Variants in YTHDF1 observed in about 807,000 individuals in gnomAD.
YTHDF1 encodes the protein YTH N6-methyladenosine RNA binding protein F1.
YTHDF1 carries 16 observed loss-of-function variants against 49.1 expected under a neutral mutation model. That is an observed-to-expected ratio of 0.33 (90% CI 0.22 to 0.49). The LOEUF (loss-of-function observed/expected upper bound fraction) is 0.49, where lower values mean the gene tolerates loss of function less well. YTHDF1 is among the 20% of genes least tolerant of loss of function. The pLI is 0.99. For synonymous variants in YTHDF1, 313 were observed against 290.1 expected (o/e 1.08, Z -0.80); for missense variants, 621 against 744.3 (o/e 0.83, Z 1.93).
chr20:63,199,724 C>T, intron 4 of YTHDF1, among the ~76,000 whole-genome samples: 1 of 152,072 alleles, frequency 6.6e-6, no homozygotes, highest in East Asian at 1.9e-4. Context: ...GGGACCTCCT[C>T]AAGGACCACT....
rs756068070 is a variant in YTHDF1 at position 63,203,210 on chromosome 20, G to A, written c.730C>T (p.Pro244Ser). ...CTCTTTGTTTTCATTTTAGGCTGTGGTTTTGCAGGCTTGCTGGCAATGGCA... is the reference window on the plus strand; with the variant it reads ...CTCTTTGTTTTCATTTTAGGCTGTGATTTTGCAGGCTTGCTGGCAATGGCA... ...WAAIASKPAK[P>S]QPKMKTKSGP... The change falls in exon 4 of 5, where the codon CCA (proline) becomes TCA (serine). Residue 244 changes from proline (P) to serine (S), a missense_variant. Around this residue, in one of 2 missense-constraint regions of YTHDF1, gnomAD observed 470 missense variants for 495.8 expected, o/e 0.95. Transcript: ENST00000370339. This position sits in a 1 kb window ranked among gnomAD's most constrained non-coding sequence, Gnocchi z 4.4. The A allele has an allele frequency of 6.2e-7, 1 of 1,613,926 alleles. No homozygotes were observed. Among genetic ancestry groups the A allele is most frequent in the Admixed American group, 1.7e-5 (1 of 60,008 alleles).
chr20:63,200,344 G>A (rs1381060261), intron 4 of YTHDF1, among the ~76,000 whole-genome samples: 1 of 151,778 alleles, frequency 6.6e-6, no homozygotes, highest in Non-Finnish European at 1.5e-5. Context: ...CTGGCTGACG[G>A]TGAGATTGGC....
intron 3 of YTHDF1, among the ~76,000 whole-genome samples, chr20:63,208,427 T>TA (rs1216635182): frequency 3.3e-5 from 5 of 152,240 alleles, no homozygotes; most frequent in African/African-American, 1.2e-4. Flanking sequence ...GAGAAAATGT[T>TA]AGAGGAAAAT....
chr20:63,215,639 C>T, intron 1 of YTHDF1, 38 bp from the exon 2 acceptor site: 1 of 1,588,382 alleles, frequency 6.3e-7, no homozygotes, highest in Non-Finnish European at 8.6e-7. Flanking sequence ...GTACACACAA[C>T]CCGGGGGAAG....
chr20:63,203,911 C>T lies in YTHDF1; in HGVS notation c.133-104G>A. The T allele has an allele frequency of 9.3e-7, 1 of 1,073,266 alleles. No homozygotes were observed. The highest frequency in any genetic ancestry group is 1.3e-6 in the Non-Finnish European group (1 of 757,102). 66.5% of individuals were successfully genotyped at this position (1,073,266 alleles called of 1,614,324 possible). On this transcript the variant is annotated intron_variant, in intron 3 of 4. Transcript: ENST00000370339. The surrounding 1 kb of genome is among the most constrained non-coding windows in gnomAD (Gnocchi z 4.4). ...ACAGGTGGAGCAAAAACAAAACCTG[C>T]ACAGCATGGGGCTACTCCTTCCAGA...
Position 63,215,998 on chromosome 20 carries a change from A to C in YTHDF1, c.-106T>G, listed in dbSNP as rs2066600734. The C allele has an allele frequency of 8.6e-6, 9 of 1,047,102 alleles. No homozygotes were observed. The highest frequency in any genetic ancestry group is 9.3e-6 in the Non-Finnish European group (8 of 857,424). The allele number at this position is 1,047,102 out of a possible 1,614,324, so 64.9% of individuals were successfully genotyped here. A position where few individuals can be genotyped will look rare whatever the true frequency, so the allele number is the denominator to read the frequency against. ...CGCGCGGCCCCGGGCCCCGCCGCCA[A>C]TTCCCCGGGCGCCGGCCGGGCGGCG... On this transcript the variant is annotated 5_prime_UTR_variant, in exon 1 of 5. Transcript: ENST00000370339.
rs769392481 is a variant in YTHDF1, at chr20:63,202,725, G to A, written c.1215C>T (p.Ser405=). ...KSYSEDDIHR[S]IKYSIWCSTE... ...TGCTACACCAGATGGAGTACTTAAT[G>A]GAGCGGTGGATGTCGTCCTCAGAGT... Residue 405 remains serine (S), a synonymous_variant, in exon 4 of 5, where the codon TCC becomes TCT. Coordinates refer to ENST00000370339, the MANE Select transcript of YTHDF1 (RefSeq NM_017798.4). 6 of 1,614,090 alleles carry A rather than the reference G, an allele frequency of 3.7e-6. No homozygotes were observed. Among genetic ancestry groups the A allele is most frequent in the Non-Finnish European group, 5.1e-6 (6 of 1,180,060 alleles).
chr20:63,213,931 G>A lies in YTHDF1; in HGVS notation c.65C>T (p.Ser22Leu), dbSNP rs749542694. ...KGQDNKVQNG[S>L]LHQKDTVHDN... is the part of the protein sequence containing the mutation. ...ATGAACTGTATCCTTCTGATGTAAC[G>A]AACCATTTTGTACTAGAACAAAAAG... is the stretch of plus-strand genomic sequence containing the variant. The change falls in exon 3 of 5, where the codon TCG becomes TTG. Residue 22 changes from serine (S) to leucine (L), a missense_variant. Ser to Leu is a moderately radical substitution (Grantham distance 145). This residue lies in a region of YTHDF1 where 470 missense variants were observed against 495.8 expected (regional missense o/e 0.95). Transcript: ENST00000370339. 23 of 1,560,648 alleles carry A rather than the reference G, an allele frequency of 1.5e-5. No homozygotes were observed. Among genetic ancestry groups the A allele is most frequent in the Non-Finnish European group, 1.8e-5 (21 of 1,163,716 alleles).
intron 3 of YTHDF1, among the ~76,000 whole-genome samples, chr20:63,209,575 G>T (rs2066564219): frequency 1.3e-5 from 2 of 152,144 alleles, no homozygotes; most frequent in African/African-American, 4.8e-5. Context: ...TTCGAGAACA[G>T]CCCAGGCAAC....
intron 3 of YTHDF1, among the ~76,000 whole-genome samples, chr20:63,211,358 G>C (rs913081908): frequency 1.3e-5 from 2 of 152,020 alleles, no homozygotes; most frequent in Non-Finnish European, 2.9e-5. Flanking sequence ...CTAGCTACTT[G>C]GGAGGTTGAG....
At chr20:63,215,694 C>CCG in intron 1 of YTHDF1, 93 bp from the exon 2 acceptor site, 1 of 1,449,706 alleles carries the variant, frequency 6.9e-7, no homozygotes, top group South Asian at 1.5e-5. Context: ...CTCCAACGGG[C>CCG]CGCGAGCTCC....
chr20:63,206,511 G>A (rs561684469), intron 3 of YTHDF1, among the ~76,000 whole-genome samples: 1 of 152,278 alleles, frequency 6.6e-6, no homozygotes, highest in African/African-American at 2.4e-5. Context: ...CAAGGTGCAG[G>A]GCCTGCAGTT....
At chr20:63,208,572 T>C (rs575627450) in intron 3 of YTHDF1, among the ~76,000 whole-genome samples, 9 of 152,350 alleles carry the variant, frequency 5.9e-5, no homozygotes, top group Non-Finnish European at 5.9e-5. Flanking sequence ...TCTGACAGAA[T>C]TTCTGCATTT....
At position 63,203,271 on chromosome 20, in the gene YTHDF1, A is replaced by C; in HGVS notation, c.669T>G (p.Asn223Lys). 1.2e-6 allele frequency: 2 copies of C among 1,613,848 alleles called. No individual in the cohort carries two copies. The highest frequency in any genetic ancestry group is 2.2e-5 in the South Asian group (2 of 91,082). Reference protein sequence around the residue: ...TGVLSGNGGTNVNMPVSKPTS... With the variant: ...TGVLSGNGGTKVNMPVSKPTS... ...TCGGCTTTGAAACTGGCATGTTCAC[A>C]TTTGTCCCACCGTTGCCAGAAAGGA... The change falls in exon 4 of 5, where the codon AAT (asparagine) becomes AAG (lysine). Residue 223 changes from asparagine (N) to lysine (K), a missense_variant. Coordinates refer to ENST00000370339, the MANE Select transcript of YTHDF1 (RefSeq NM_017798.4). This position sits in a 1 kb window ranked among gnomAD's most constrained non-coding sequence, Gnocchi z 4.4.
intron 3 of YTHDF1, among the ~76,000 whole-genome samples, chr20:63,213,216 G>A (rs1422876289): frequency 1.3e-5 from 2 of 152,230 alleles, no homozygotes; most frequent in Non-Finnish European, 2.9e-5. Context: ...TGGATCACCT[G>A]AGGTCAGGAG....
chr20:63,205,343 C>A (rs910262431), intron 3 of YTHDF1, among the ~76,000 whole-genome samples: 10 of 152,250 alleles, frequency 6.6e-5, no homozygotes, highest in African/African-American at 2.4e-4. Context: ...TCCCTGGGGG[C>A]AGTGCCCCAA....
At chr20:63,202,072 C>T (rs1375846292) in intron 4 of YTHDF1, among the ~76,000 whole-genome samples, 1 of 152,260 alleles carries the variant, frequency 6.6e-6, no homozygotes, top group South Asian at 2.1e-4. Flanking sequence ...GACATCTACC[C>T]AAATACCATC....
At chr20:63,208,965 G>A (rs1316739221) in intron 3 of YTHDF1, among the ~76,000 whole-genome samples, 2 of 152,210 alleles carry the variant, frequency 1.3e-5, no homozygotes, top group East Asian at 1.9e-4. Flanking sequence ...CATGGAGGCA[G>A]TATCCTTACC....
Position 63,203,386 on chromosome 20 carries a change from T to C in YTHDF1, c.554A>G (p.Gln185Arg). 2.5e-6 allele frequency: 4 copies of C among 1,613,126 alleles called. No individual in the cohort carries two copies. Among genetic ancestry groups the C allele is most frequent in the Non-Finnish European group, 3.4e-6 (4 of 1,179,744 alleles). Residue 185 changes from glutamine (Q) to arginine (R), a missense_variant, in exon 4 of 5, where the codon CAG (glutamine) becomes CGG (arginine). Coordinates refer to ENST00000370339, the MANE Select transcript of YTHDF1 (RefSeq NM_017798.4). The surrounding 1 kb of genome is among the most constrained non-coding windows in gnomAD (Gnocchi z 4.4). ...CCCAATCTTCAGGCCAACCATGCCC[T>C]GCTCCAGGCTGTTCATCCCGGGGGC... ...SKAPGMNSLE[Q>R]GMVGLKIGDV...
Sources: gnomAD v4.1 joint callset for allele counts (sites outside exome capture counted in the v4.1 genomes callset) on GRCh38, gnomAD v4.1.1 for gene constraint, gnomAD v4.1.1 regional missense constraint, Gnocchi (gnomAD v3.1) non-coding constraint, MANE v1.5 for transcripts, NCBI Gene and HGNC (gene_info 2026-07-23, HGNC 2026-07-21) for gene names.